EIF2S3: variants seen among roughly 807,000 people sequenced by gnomAD.
EIF2S3 encodes the protein eukaryotic translation initiation factor 2 subunit 3.
EIF2S3 carries 2 observed loss-of-function variants against 31.7 expected under a neutral mutation model. The ratio of observed to expected loss-of-function variants is 0.06; its 90% confidence interval spans 0.03 to 0.20. EIF2S3 has a LOEUF of 0.20. Among genes scored for constraint, EIF2S3 ranks in the 10% least tolerant of loss-of-function variants. The probability of loss-of-function intolerance (pLI) is 1.00; values close to 1 mark genes in which losing one functional copy is unlikely to be tolerated. For missense variants in EIF2S3, 96 were observed against 359.3 expected (o/e 0.27, Z 5.92); for synonymous variants, 120 against 126.7 (o/e 0.95, Z 0.36).
chrX:24,056,525 C>T (rs890524097), intron 2 of EIF2S3, among the ~76,000 whole-genome samples: 5 of 112,012 alleles, frequency 4.5e-5, no homozygotes, highest in African/African-American at 6.5e-5. Context: ...CAGGGCCCAT[C>T]ATACCTGTTT....
chrX:24,062,027 A>T (rs1349463797), intron 5 of EIF2S3, among the ~76,000 whole-genome samples: 1 of 111,651 alleles, frequency 9.0e-6, no homozygotes, highest in Non-Finnish European at 1.9e-5. Flanking sequence ...CCTGGCAATA[A>T]TATCTTCCTT....
rs185088278 is a variant in EIF2S3, at chrX:24,056,062, C to A, written c.133+384C>A. Among the ~76,000 whole-genome samples, 716 of 111,343 alleles carry A rather than the reference C, an allele frequency of 6.4e-3. 6 individuals are homozygous for A. The highest frequency in any genetic ancestry group is 0.017 in the South Asian group (46 of 2,699). On this transcript the variant is annotated intron_variant, in intron 2 of 11. Coordinates refer to ENST00000253039, the MANE Select transcript of EIF2S3 (RefSeq NM_001415.4). ...TGTGATTAAATAGAAGGTTTTTTTT[C>A]TTAATTGGCACCTAGAACTTTAGAG...
intron 4 of EIF2S3, 47 bp downstream of exon 4, chrX:24,057,801 T>C: frequency 8.7e-7 from 1 of 1,155,055 alleles, no homozygotes; most frequent in Non-Finnish European, 1.2e-6. Context: ...TTTTATTGTC[T>C]TCTGTTTTGT....
At chrX:24,074,862 C>CTTCTTTTTTTTTTTT (rs1555984976) in intron 11 of EIF2S3, among the ~76,000 whole-genome samples, 1 of 47,466 alleles carries the variant, frequency 2.1e-5, no homozygotes, top group African/African-American at 9.6e-5. Flanking sequence ...TTTTCTTCTT[C>CTTCTTTTTTTTTTTT]TTTTTTTTTT....
Position 24,076,886 on chromosome X carries a change from C to A in EIF2S3, c.*101C>A. On this transcript the variant is annotated 3_prime_UTR_variant, in exon 12 of 12. Coordinates refer to ENST00000253039, the MANE Select transcript of EIF2S3 (RefSeq NM_001415.4). ...CAAAGCAATATTGGGGAATTGATTTCACAGTTCGTTACCTTAGTAGGTAAC... is the reference window on the plus strand; with the variant it reads ...CAAAGCAATATTGGGGAATTGATTTAACAGTTCGTTACCTTAGTAGGTAAC... 9.4e-6 allele frequency: 5 copies of A among 534,012 alleles called. No homozygotes were observed. The highest frequency in any genetic ancestry group is 1.4e-5 in the Non-Finnish European group (5 of 353,112). 44.0% of individuals were successfully genotyped at this position (534,012 alleles called of 1,213,427 possible). A position where few individuals can be genotyped will look rare whatever the true frequency, so the allele number is the denominator to read the frequency against.
intron 2 of EIF2S3, among the ~76,000 whole-genome samples, chrX:24,056,595 A>G (rs1930407221): frequency 8.9e-6 from 1 of 111,862 alleles, no homozygotes; most frequent in Admixed American, 9.6e-5. Context: ...GCAGTGGCTT[A>G]TGCTTGTAAT....
chrX:24,055,021 A>G lies in EIF2S3; in HGVS notation c.53A>G (p.Gln18Arg). 8.3e-7 allele frequency: 1 copy of G among 1,211,191 alleles called. No homozygotes were observed. The highest frequency in any genetic ancestry group is 1.1e-6 in the Non-Finnish European group (1 of 895,440). Residue 18 changes from glutamine to arginine, a missense_variant, in exon 1 of 12, where the codon CAG becomes CGG. Physicochemically the swap from Gln to Arg is conservative, Grantham distance 43. Around this residue, in one of 5 missense-constraint regions of EIF2S3, gnomAD observed 27 missense variants for 21.3 expected, o/e 1.27. Coordinates refer to ENST00000253039, the MANE Select transcript of EIF2S3 (RefSeq NM_001415.4). ...CTAGGGCAGCCGCATCTTTCGCGTC[A>G]GGATCTCACCACCTTGGTGAGGTTT... is the stretch of plus-strand genomic sequence containing the variant. ...VTLGQPHLSRQDLTTLDVTKL... is the reference protein window; with the variant it reads ...VTLGQPHLSRRDLTTLDVTKL...
chrX:24,065,504 C>T (rs73486043), intron 7 of EIF2S3, among the ~76,000 whole-genome samples: 1,841 of 110,767 alleles, frequency 0.017, 38 homozygotes, highest in African/African-American at 0.056. Context: ...TACCTGTAGT[C>T]CGAGCTACTC....
chrX:24,062,655 T>C lies in EIF2S3; in HGVS notation c.637+81T>C, dbSNP rs1330599527. The C allele has an allele frequency of 3.8e-6, 4 of 1,045,884 alleles. No individual in the cohort carries two copies. In the Admixed American group the frequency reaches 1.1e-4, roughly 30 times the overall value. 86.2% of individuals were successfully genotyped at this position (1,045,884 alleles called of 1,213,427 possible). A position where few individuals can be genotyped will look rare whatever the true frequency, so the allele number is the denominator to read the frequency against. ...TGGATACCAGATGTTAAATTAACTT[T>C]TAATATATTATCTAAAACAAGGTAA... On this transcript the variant is annotated intron_variant, in intron 6 of 11. Coordinates refer to ENST00000253039, the MANE Select transcript of EIF2S3 (RefSeq NM_001415.4).
rs759599150 is a variant in EIF2S3 at position 24,065,960 on chromosome X, A to G, written c.773-38A>G. On this transcript the variant is annotated intron_variant, in intron 7 of 11. Coordinates refer to ENST00000253039, the MANE Select transcript of EIF2S3 (RefSeq NM_001415.4). ...GGAAAATAATATTTCTTCTAAAGTTAAGATTAACAGAACTGACTTTAATTT... is the reference window on the plus strand; with the variant it reads ...GGAAAATAATATTTCTTCTAAAGTTGAGATTAACAGAACTGACTTTAATTT... The G allele has an allele frequency of 3.4e-5, 37 of 1,084,339 alleles. No individual in the cohort carries two copies. In the East Asian group the frequency reaches 6.0e-4, roughly 18 times the overall value. 89.4% of individuals were successfully genotyped at this position (1,084,339 alleles called of 1,213,427 possible). A position where few individuals can be genotyped will look rare whatever the true frequency, so the allele number is the denominator to read the frequency against.
intron 9 of EIF2S3, among the ~76,000 whole-genome samples, chrX:24,069,162 G>A (rs1428531311): frequency 5.4e-5 from 6 of 110,969 alleles, no homozygotes; most frequent in African/African-American, 1.3e-4. Flanking sequence ...TGGGTGGATC[G>A]CTTGAGCTCA....
chrX:24,075,738 A>T (rs887834522), intron 11 of EIF2S3, among the ~76,000 whole-genome samples: 3 of 110,709 alleles, frequency 2.7e-5, no homozygotes, highest in Non-Finnish European at 5.7e-5. Flanking sequence ...TTCCTTAATT[A>T]TTTATTTTAT....
At chrX:24,073,812 C>T (rs761199610) in intron 11 of EIF2S3, among the ~76,000 whole-genome samples, 1 of 112,354 alleles carries the variant, frequency 8.9e-6, no homozygotes, top group East Asian at 2.8e-4. Context: ...GTATTTCTAT[C>T]GTCATTGGCT....
At chrX:24,070,142 C>T (rs983466802) in intron 9 of EIF2S3, among the ~76,000 whole-genome samples, 1 of 105,188 alleles carries the variant, frequency 9.5e-6, no homozygotes, top group Admixed American at 1.0e-4. Flanking sequence ...CCGAGGTGGA[C>T]GGATCACCTG....
chrX:24,073,393 CTT>C (rs1184464875), intron 11 of EIF2S3, 130 bp downstream of exon 11: 1 of 903,369 alleles, frequency 1.1e-6, no homozygotes, highest in Admixed American at 3.6e-5. Context: ...ATTTGGATGA[CTT>C]TGAAAACTAT....
intron 4 of EIF2S3, 115 bp from the exon 5 acceptor site, chrX:24,059,973 A>G (rs1930466548): frequency 3.6e-6 from 2 of 550,653 alleles, no homozygotes. Context: ...AAGCCCTGTA[A>G]CCATTTTATA....
At chrX:24,060,237 A>G in intron 5 of EIF2S3, 55 bp downstream of exon 5, 1 of 1,057,481 alleles carries the variant, frequency 9.5e-7, no homozygotes, top group East Asian at 3.0e-5. Flanking sequence ...TCCAAGATGA[A>G]ATATTTAAAG....
intron 10 of EIF2S3, among the ~76,000 whole-genome samples, chrX:24,072,459 T>G (rs1489500073): frequency 9.1e-6 from 1 of 110,328 alleles, no homozygotes; most frequent in Non-Finnish European, 1.9e-5. Flanking sequence ...AATTTTGTAT[T>G]TTTTGTAGAG....
At chrX:24,071,854 A>C in intron 10 of EIF2S3, 127 bp downstream of exon 10, 3 of 737,757 alleles carry the variant, frequency 4.1e-6, no homozygotes, top group Non-Finnish European at 3.8e-6. Flanking sequence ...AATAAATTTG[A>C]CCTCCCCAAA....
Sources: gnomAD v4.1 joint callset for allele counts (sites outside exome capture counted in the v4.1 genomes callset) on GRCh38, gnomAD v4.1.1 for gene constraint, gnomAD v4.1.1 regional missense constraint, MANE v1.5 for transcripts, NCBI Gene and HGNC (gene_info 2026-07-23, HGNC 2026-07-21) for gene names.